PTPRE: variants seen among roughly 807,000 people sequenced by gnomAD.
PTPRE encodes receptor-type tyrosine-protein phosphatase epsilon.
In PTPRE, 51 loss-of-function variants were observed where a neutral mutation model predicts 102.0. The ratio of observed to expected loss-of-function variants is 0.50; its 90% CI spans 0.40 to 0.63. The LOEUF is 0.63. Ranked by LOEUF, PTPRE falls within the 30% of genes least tolerant of loss-of-function variation. The probability of loss-of-function intolerance (pLI) is 0.00; values close to 1 mark genes in which losing one functional copy is unlikely to be tolerated. For missense variants in PTPRE, 752 were observed against 915.1 expected (o/e 0.82, Z 2.30); for synonymous variants, 345 against 348.2 (o/e 0.99, Z 0.10).
chr10:128,022,434 C>T (rs138288193), intron 2 of PTPRE, among the ~76,000 whole-genome samples: 37 of 152,338 alleles, frequency 2.4e-4, no homozygotes, highest in African/African-American at 8.4e-4. Context: ...TTGTGAAGCT[C>T]GGGTCCAGAA....
intron 1 of PTPRE, among the ~76,000 whole-genome samples, chr10:127,949,064 C>T (rs1848832604): frequency 6.6e-6 from 1 of 152,254 alleles, no homozygotes; most frequent in South Asian, 2.1e-4. Flanking sequence ...TACACCAGTG[C>T]CCCACCCTCA....
intron 1 of PTPRE, among the ~76,000 whole-genome samples, chr10:127,981,500 A>T (rs12250200): frequency 0.026 from 3,575 of 137,970 alleles, 128 homozygotes; most frequent in African/African-American, 0.097. Context: ...GTTTTTTTTT[A>T]AAAAATAAAA....
intron 2 of PTPRE, among the ~76,000 whole-genome samples, chr10:128,037,541 T>C (rs1300358134): frequency 1.3e-5 from 2 of 152,192 alleles, no homozygotes; most frequent in African/African-American, 4.8e-5. Context: ...TTTGCATCTC[T>C]GGGGCTTACC....
rs1156751000 is a variant in PTPRE at position 128,085,621 on chromosome 10, T to A, written c.*2715T>A. ...TCCCCATGTTATTCTTTTAAGTGTATAATTACTGATACTTTTTTGTTTGTT... is the reference window on the plus strand; with the variant it reads ...TCCCCATGTTATTCTTTTAAGTGTAAAATTACTGATACTTTTTTGTTTGTT... On this transcript the variant is annotated 3_prime_UTR_variant, in exon 21 of 21. Transcript: ENST00000254667. The A allele has an allele frequency of 6.5e-6, 1 of 152,756 alleles. No individual in the cohort carries two copies. The highest frequency in any genetic ancestry group is 1.5e-5 in the Non-Finnish European group (1 of 68,110). The allele number at this position is 152,756 out of a possible 1,614,324, so 9.5% of individuals were successfully genotyped here.
intron 1 of PTPRE, among the ~76,000 whole-genome samples, chr10:127,960,522 C>T (rs540927075): frequency 1.2e-4 from 18 of 152,164 alleles, no homozygotes; most frequent in Non-Finnish European, 2.1e-4. Flanking sequence ...GTGCCTCCCC[C>T]GAGTCCGGTC....
intron 2 of PTPRE, among the ~76,000 whole-genome samples, chr10:128,014,792 C>T (rs1845288754): frequency 6.6e-6 from 1 of 152,102 alleles, no homozygotes; most frequent in African/African-American, 2.4e-5. Context: ...GAGCCCTCTG[C>T]ATTTGACGAG....
At chr10:127,938,686 AAT>A (rs1358231130) in intron 1 of PTPRE, among the ~76,000 whole-genome samples, 7 of 152,134 alleles carry the variant, frequency 4.6e-5, no homozygotes, top group Non-Finnish European at 8.8e-5. Context: ...ATTACTTCTT[AAT>A]ATATATATTT....
Position 127,907,753 on chromosome 10 carries a change from C to G in PTPRE, c.-31+444C>G, listed in dbSNP as rs537492153. Among the ~76,000 whole-genome samples the G allele has an allele frequency of 6.6e-6, 1 of 152,196 alleles. No individual in the cohort carries two copies. The highest frequency in any genetic ancestry group is 2.1e-4 in the South Asian group (1 of 4,818). On this transcript the variant is annotated intron_variant, in intron 1 of 20. Coordinates refer to ENST00000254667, the MANE Select transcript of PTPRE (RefSeq NM_006504.6). The surrounding 1 kb of genome is among the most constrained non-coding windows in gnomAD (Gnocchi z 4.8). Reference sequence around the variant, plus strand: ...GCTGGAGCCTTTGAAGAAAGTGGCTCGAGTTGTGCCAACTCTGGGAGGGGC... The same window carrying G: ...GCTGGAGCCTTTGAAGAAAGTGGCTGGAGTTGTGCCAACTCTGGGAGGGGC...
intron 1 of PTPRE, among the ~76,000 whole-genome samples, chr10:127,948,545 A>C (rs1380658277): frequency 6.6e-6 from 1 of 152,050 alleles, no homozygotes; most frequent in Non-Finnish European, 1.5e-5. Flanking sequence ...GCAACCACTG[A>C]TTTTTTTACT....
intron 2 of PTPRE, among the ~76,000 whole-genome samples, chr10:127,990,322 G>C (rs1852503536): frequency 7.0e-6 from 1 of 142,046 alleles, no homozygotes; most frequent in African/African-American, 2.6e-5. Context: ...AGAGGCAGGA[G>C]AATCACTTGA....
chr10:127,915,674 T>TTAGC (rs1846154890), intron 1 of PTPRE, among the ~76,000 whole-genome samples: 1 of 152,230 alleles, frequency 6.6e-6, no homozygotes, highest in South Asian at 2.1e-4. Context: ...AGGCCTATTC[T>TTAGC]TAGCTAGCCA....
chr10:127,973,685 TC>T (rs796795892), intron 1 of PTPRE, among the ~76,000 whole-genome samples: 10 of 152,246 alleles, frequency 6.6e-5, no homozygotes, highest in African/African-American at 2.4e-4. Flanking sequence ...AGGATGGGTC[TC>T]CCCTTTTCTC....
At chr10:128,066,782 G>T (rs1482174956) in intron 11 of PTPRE, among the ~76,000 whole-genome samples, 1 of 152,178 alleles carries the variant, frequency 6.6e-6, no homozygotes, top group Non-Finnish European at 1.5e-5. Context: ...AGTGTCTGAG[G>T]TTCCAAGAAG....
At chr10:127,954,483 A>G (rs534425078) in intron 1 of PTPRE, among the ~76,000 whole-genome samples, 7 of 152,328 alleles carry the variant, frequency 4.6e-5, no homozygotes, top group African/African-American at 1.2e-4. Context: ...CTTATCAACC[A>G]TCACGGCATT....
chr10:128,009,805 T>C (rs1488667190), intron 2 of PTPRE, among the ~76,000 whole-genome samples: 1 of 152,258 alleles, frequency 6.6e-6, no homozygotes, highest in East Asian at 1.9e-4. Flanking sequence ...ATTTAGCACA[T>C]AATTGTAGTC....
intron 1 of PTPRE, among the ~76,000 whole-genome samples, chr10:127,969,237 C>G (rs372873852): frequency 6.6e-6 from 1 of 152,146 alleles, no homozygotes; most frequent in Admixed American, 6.5e-5. Flanking sequence ...ATGATAAGAA[C>G]GTAAATGGAA....
Position 128,046,689 on chromosome 10 carries a change from G to A in PTPRE, c.110-701G>A, listed in dbSNP as rs1230661060. On this transcript the variant is annotated intron_variant, in intron 3 of 20. Coordinates refer to ENST00000254667, the MANE Select transcript of PTPRE (RefSeq NM_006504.6). The stretch of plus-strand genomic sequence containing the variant: ...GGAGAGTGGGTGGGGTCCAAAGGTG[G>A]CAGCGAGGCCACCAGTGTCCCTTGG... Among the ~76,000 whole-genome samples the A allele has an allele frequency of 2.0e-5, 3 of 152,284 alleles. No individual in the cohort carries two copies. The East Asian group carries it at 5.8e-4, about 29-fold the overall frequency.
At chr10:127,965,747 G>A (rs900357235) in intron 1 of PTPRE, among the ~76,000 whole-genome samples, 6 of 152,130 alleles carry the variant, frequency 3.9e-5, no homozygotes, top group Non-Finnish European at 5.9e-5. Flanking sequence ...TGTGAACCTC[G>A]TATCTGCCCA....
intron 2 of PTPRE, 97 bp downstream of exon 2, chr10:127,982,393 GAGAA>G (rs1851705441): frequency 1.1e-6 from 1 of 871,480 alleles, no homozygotes; most frequent in Admixed American, 3.4e-5. Flanking sequence ...TTGTTTTCTT[GAGAA>G]AGAAAGCCAT....
Sources: gnomAD v4.1 joint callset for allele counts (sites outside exome capture counted in the v4.1 genomes callset) on GRCh38, gnomAD v4.1.1 for gene constraint, Gnocchi (gnomAD v3.1) non-coding constraint, MANE v1.5 for transcripts, NCBI Gene and HGNC (gene_info 2026-07-23, HGNC 2026-07-21) for gene names.